The following HIF1A variants were observed in gnomAD, a reference collection of about 807,000 sequenced individuals.
The protein encoded by HIF1A is hypoxia-inducible factor 1-alpha.
In HIF1A, 24 loss-of-function variants were observed where a neutral mutation model predicts 92.7. That is an observed-to-expected ratio of 0.26 (90% CI 0.19 to 0.36). HIF1A has a LOEUF of 0.36. HIF1A is among the 10% of genes least tolerant of loss of function. The pLI is 1.00. For missense variants in HIF1A, 799 were observed against 998.5 expected (o/e 0.80, Z 2.69); for synonymous variants, 319 against 338.7 (o/e 0.94, Z 0.64).
At chr14:61,700,005 CTTAT>C (rs2140116111) in intron 1 of HIF1A, among the ~76,000 whole-genome samples, 1 of 151,964 alleles carries the variant, frequency 6.6e-6, no homozygotes, top group Non-Finnish European at 1.5e-5. Flanking sequence ...TTTATAAACC[CTTAT>C]TTATTTGCCA....
intron 12 of HIF1A, among the ~76,000 whole-genome samples, chr14:61,744,008 G>T (rs540216500): frequency 3.9e-5 from 6 of 152,256 alleles, no homozygotes; most frequent in African/African-American, 1.4e-4. Flanking sequence ...CTTAAGTAAG[G>T]TTAAAATGAA....
chr14:61,702,397 G>A (rs141584750), intron 1 of HIF1A, among the ~76,000 whole-genome samples: 2,023 of 145,272 alleles, frequency 0.014, 47 homozygotes, highest in African/African-American at 0.049. Context: ...CCAAGATCGC[G>A]CCACTGCACT....
intron 4 of HIF1A, among the ~76,000 whole-genome samples, chr14:61,723,702 T>TGAA: frequency 6.6e-6 from 1 of 152,238 alleles, no homozygotes. Context: ...GCTCAGTGCT[T>TGAA]CCCTGGGGCT....
rs779328210 is a variant in HIF1A at position 61,741,117 on chromosome 14, A to T, written c.2022A>T (p.Lys674Asn). Reference sequence around the variant, plus strand: ...CAGCCTCACCAAACAGAGCAGGAAAAGGAGTCATAGAACAGACAGAAAAAT... The same window carrying T: ...CAGCCTCACCAAACAGAGCAGGAAATGGAGTCATAGAACAGACAGAAAAAT... ...SRTASPNRAG[K>N]GVIEQTEKSH... is the part of the protein sequence containing the mutation. The change falls in exon 12 of 15, where the codon AAA (lysine) becomes AAT (asparagine). Residue 674 changes from lysine to asparagine, a missense_variant. This residue lies in a region of HIF1A where 283 missense variants were observed against 277.5 expected (regional missense o/e 1.02). Coordinates refer to ENST00000337138, the MANE Select transcript of HIF1A (RefSeq NM_001530.4). 5.6e-6 allele frequency: 9 copies of T among 1,613,968 alleles called. No individual in the cohort carries two copies. The East Asian group carries it at 2.0e-4, about 36-fold the overall frequency.
At chr14:61,713,265 C>T (rs758228559) in intron 1 of HIF1A, among the ~76,000 whole-genome samples, 1 of 152,098 alleles carries the variant, frequency 6.6e-6, no homozygotes, top group South Asian at 2.1e-4. Context: ...TTCTTTACTT[C>T]GGAAGGATCT....
At chr14:61,736,077 C>G (rs935185031) in intron 8 of HIF1A, among the ~76,000 whole-genome samples, 1 of 151,496 alleles carries the variant, frequency 6.6e-6, no homozygotes, top group Admixed American at 6.6e-5. Flanking sequence ...TTCCCGAGCT[C>G]AAGTGATTCT....
At chr14:61,719,347 G>T (rs553545790) in intron 1 of HIF1A, among the ~76,000 whole-genome samples, 1 of 152,166 alleles carries the variant, frequency 6.6e-6, no homozygotes, top group Admixed American at 6.5e-5. Flanking sequence ...GAGAAATACT[G>T]TGGAAGAGCA....
chr14:61,713,732 A>T (rs1447238463), intron 1 of HIF1A, among the ~76,000 whole-genome samples: 3 of 152,172 alleles, frequency 2.0e-5, no homozygotes, highest in African/African-American at 7.2e-5. Flanking sequence ...GAGTTCTGTG[A>T]GCTGCTCCAG....
At chr14:61,735,185 A>T (rs2044621092) in intron 8 of HIF1A, among the ~76,000 whole-genome samples, 1 of 152,190 alleles carries the variant, frequency 6.6e-6, no homozygotes, top group African/African-American at 2.4e-5. Context: ...AATTTTAGCG[A>T]TCTTTTTATC....
rs1322240631 is a variant in HIF1A, at chr14:61,704,389, A to T, written c.35+8550A>T. Among the ~76,000 whole-genome samples, 4 of 152,282 alleles carry T rather than the reference A, an allele frequency of 2.6e-5. No homozygotes were observed. In the South Asian group the frequency reaches 8.3e-4, roughly 32 times the overall value. On this transcript the variant is annotated intron_variant, in intron 1 of 14. Transcript: ENST00000337138. ...GCAGACTAAATACTGGTTTATGTAT[A>T]GACATGTTATTCTAAAATAATTTTC...
intron 4 of HIF1A, among the ~76,000 whole-genome samples, chr14:61,723,867 A>G (rs1264383693): frequency 6.6e-6 from 1 of 152,224 alleles, no homozygotes; most frequent in Non-Finnish European, 1.5e-5. Context: ...AATCATTACT[A>G]ATGTGGTTAA....
intron 9 of HIF1A, among the ~76,000 whole-genome samples, chr14:61,737,448 A>C (rs1475668103): frequency 1.3e-5 from 2 of 152,224 alleles, no homozygotes; most frequent in African/African-American, 2.4e-5. Context: ...GTTGCATTAA[A>C]GGATAAAAAA....
At position 61,741,098 on chromosome 14, in the gene HIF1A, C is replaced by T. The variant is rs749686395; in HGVS notation, c.2003C>T (p.Ser668Leu). The T allele has an allele frequency of 2.0e-5, 33 of 1,613,938 alleles. No individual in the cohort carries two copies. Among genetic ancestry groups the T allele is most frequent in the African/African-American group, 2.7e-5 (2 of 74,922 alleles). Residue 668 changes from serine (S) to leucine (L), a missense_variant, in exon 12 of 15, where the codon TCA (serine) becomes TTA (leucine). Ser to Leu is a moderately radical substitution (Grantham distance 145). Transcript: ENST00000337138. ...AGAGATACTCAAAGTCGGACAGCCT[C>T]ACCAAACAGAGCAGGAAAAGGAGTC... ...PYRDTQSRTA[S>L]PNRAGKGVIE...
intron 1 of HIF1A, among the ~76,000 whole-genome samples, chr14:61,717,779 T>C (rs1480058627): frequency 6.6e-6 from 1 of 152,116 alleles, no homozygotes; most frequent in African/African-American, 2.4e-5. Flanking sequence ...CCCAGCACTT[T>C]GGGAGGCCGA....
chr14:61,741,354 C>G (rs1281002205), intron 12 of HIF1A, among the ~76,000 whole-genome samples, 166 bp downstream of exon 12: 1 of 116,016 alleles, frequency 8.6e-6, no homozygotes, highest in African/African-American at 2.8e-5. Flanking sequence ...TATATTTTTT[C>G]TTTTTCTTTC....
chr14:61,699,093 G>A (rs2044147806), intron 1 of HIF1A: 1 of 152,176 alleles, frequency 6.6e-6, no homozygotes. Context: ...AGTTTCTCCA[G>A]AGTTAAGACC....
chr14:61,707,916 C>G (rs2044260035), intron 1 of HIF1A, among the ~76,000 whole-genome samples: 1 of 152,090 alleles, frequency 6.6e-6, no homozygotes, highest in African/African-American at 2.4e-5. Context: ...AGTTTACAGT[C>G]CCACTAACAG....
At chr14:61,720,249 C>A in intron 1 of HIF1A, 133 bp from the exon 2 acceptor site, 1 of 604,350 alleles carries the variant, frequency 1.7e-6, no homozygotes, top group Non-Finnish European at 2.7e-6. Flanking sequence ...GTAGACAAAT[C>A]TCCATGTAAC....
At chr14:61,698,487 A>G (rs996429059) in intron 1 of HIF1A, among the ~76,000 whole-genome samples, 3 of 152,346 alleles carry the variant, frequency 2.0e-5, no homozygotes, top group African/African-American at 7.2e-5. Context: ...CACTTAGCCC[A>G]TTGCAGGAGT....
Sources: gnomAD v4.1 joint callset for allele counts (sites outside exome capture counted in the v4.1 genomes callset) on GRCh38, gnomAD v4.1.1 for gene constraint, gnomAD v4.1.1 regional missense constraint, MANE v1.5 for transcripts, NCBI Gene and HGNC (gene_info 2026-07-23, HGNC 2026-07-21) for gene names.